The following IRF8 variants were observed in gnomAD, a reference collection of about 807,000 sequenced individuals.
IRF8 encodes interferon consensus sequence binding protein 1.
A neutral mutation model predicts 48.7 loss-of-function variants in IRF8; 14 were observed. That is an observed-to-expected ratio of 0.29 (90% CI 0.19 to 0.45). The LOEUF is 0.45. Among genes scored for constraint, IRF8 ranks in the 20% least tolerant of loss-of-function variants. The pLI is 1.00. For synonymous variants in IRF8, 278 were observed against 227.3 expected (o/e 1.22, Z -2.01); for missense variants, 493 against 580.7 (o/e 0.85, Z 1.55).
At chr16:85,902,178 G>C (rs912791546) in intron 1 of IRF8, among the ~76,000 whole-genome samples, 2 of 152,122 alleles carry the variant, frequency 1.3e-5, no homozygotes, top group Admixed American at 1.3e-4. Flanking sequence ...CTGTTCGGTA[G>C]CTGCAGTTTA....
intron 3 of IRF8, among the ~76,000 whole-genome samples, chr16:85,911,276 G>A (rs1468827264): frequency 6.6e-6 from 1 of 152,192 alleles, no homozygotes; most frequent in African/African-American, 2.4e-5. Context: ...ATCTGATACA[G>A]ACTCATTTTG....
Position 85,903,185 on chromosome 16 carries a change from T to C in IRF8, c.170T>C (p.Phe57Ser). ...DYNQEVDASIFKAWAVFKGKF... is the reference protein window; with the variant it reads ...DYNQEVDASISKAWAVFKGKF... ...AATCAGGAAGTGGATGCCTCCATTTTTAAGGTAAAGAGCCCAGCTCCCTTC... is the reference window on the plus strand; with the variant it reads ...AATCAGGAAGTGGATGCCTCCATTTCTAAGGTAAAGAGCCCAGCTCCCTTC... The change falls in exon 2 of 9, where the codon TTT becomes TCT. Residue 57 changes from phenylalanine (F) to serine (S), a missense_variant. By Grantham distance (155) the Phe-to-Ser change is radical. Transcript: ENST00000268638. 6.2e-7 allele frequency: 1 copy of C among 1,613,858 alleles called. No individual in the cohort carries two copies.
intron 8 of IRF8, 47 bp from the exon 9 acceptor site, chr16:85,921,058 CT>C: frequency 6.4e-7 from 1 of 1,566,284 alleles, no homozygotes; most frequent in South Asian, 1.2e-5. Flanking sequence ...TGCCCACCCC[CT>C]TTGGAGCCTC....
In IRF8 at chr16:85,918,630, G is replaced by A. The variant is rs1235535717; in HGVS notation, c.815G>A (p.Gly272Glu). 2 of 1,608,538 alleles carry A rather than the reference G, an allele frequency of 1.2e-6. No individual in the cohort carries two copies. The highest frequency in any genetic ancestry group is 1.7e-6 in the Non-Finnish European group (2 of 1,179,548). The change falls in exon 7 of 9, where the codon GGG becomes GAG. Residue 272 changes from glycine (G) to glutamate (E), a missense_variant. Coordinates refer to ENST00000268638, the MANE Select transcript of IRF8 (RefSeq NM_002163.4). ...AGGCAGGTGACGCGGAAGCTGTTCG[G>A]GCACCTGGAGCGCGGGGTGCTGCTG... is the stretch of plus-strand genomic sequence containing the variant. ...RQRQVTRKLF[G>E]HLERGVLLHS...
Position 85,922,353 on chromosome 16 carries a change from A to T in IRF8, c.*1071A>T, listed in dbSNP as rs1905610715. 1.3e-5 allele frequency: 2 copies of T among 152,316 alleles called. No individual in the cohort carries two copies. Among genetic ancestry groups the T allele is most frequent in the South Asian group, 4.1e-4 (2 of 4,834 alleles). The allele number at this position is 152,316 out of a possible 1,614,324, so 9.4% of individuals were successfully genotyped here. ...CCAGAGGTCCTTTACGTGTGGATGG[A>T]GTTCACAGGCGAATAGAGGAGAGGA... On this transcript the variant is annotated 3_prime_UTR_variant, in exon 9 of 9. Coordinates refer to ENST00000268638, the MANE Select transcript of IRF8 (RefSeq NM_002163.4).
At chr16:85,899,955 G>C (rs1430684704) in intron 1 of IRF8, among the ~76,000 whole-genome samples, 2 of 152,216 alleles carry the variant, frequency 1.3e-5, no homozygotes, top group Admixed American at 6.5e-5. Flanking sequence ...AGAATTTTAA[G>C]AAGTCTCCCC....
rs573204404 is a variant in IRF8, at chr16:85,909,116, C to T, written c.301C>T (p.Leu101=). ...DFEEVTDRSQ[L]DISEPYKVYR... Reference sequence around the variant, plus strand: ...TGAGGAAGTGACGGACCGGTCCCAACTGGACATTTCCGAGCCATACAAAGT... The same window carrying T: ...TGAGGAAGTGACGGACCGGTCCCAATTGGACATTTCCGAGCCATACAAAGT... Residue 101 remains leucine, a synonymous_variant, in exon 3 of 9, where the codon CTG becomes TTG. Coordinates refer to ENST00000268638, the MANE Select transcript of IRF8 (RefSeq NM_002163.4). 5 of 1,614,076 alleles carry T rather than the reference C, an allele frequency of 3.1e-6. No individual in the cohort carries two copies. Among genetic ancestry groups the T allele is most frequent in the African/African-American group, 1.3e-5 (1 of 74,932 alleles).
At position 85,903,046 on chromosome 16, in the gene IRF8, C is replaced by T; in HGVS notation, c.31C>T (p.Arg11Ter). 6.2e-7 allele frequency: 1 copy of T among 1,614,092 alleles called. No homozygotes were observed. Among genetic ancestry groups the T allele is most frequent in the Non-Finnish European group, 8.5e-7 (1 of 1,180,002 alleles). ...TGACCGGAATGGTGGTCGGCGGCTT[C>T]GACAGTGGCTGATCGAGCAGATTGA... MCDRNGGRRL[R>*]QWLIEQIDSS... Residue 11 changes from arginine (R) to a stop codon, truncating the protein, a stop_gained, in exon 2 of 9, where the codon CGA (arginine) becomes TGA (stop). Coordinates refer to ENST00000268638, the MANE Select transcript of IRF8 (RefSeq NM_002163.4). LOFTEE classifies it high-confidence loss of function.
At chr16:85,917,932 C>T (rs1450192760) in intron 6 of IRF8, among the ~76,000 whole-genome samples, 7 of 152,298 alleles carry the variant, frequency 4.6e-5, no homozygotes, top group African/African-American at 9.6e-5. Flanking sequence ...ATACCAAGGG[C>T]GCTGTGAATT....
At chr16:85,905,128 CAG>C (rs1306895283) in intron 2 of IRF8, among the ~76,000 whole-genome samples, 2 of 152,174 alleles carry the variant, frequency 1.3e-5, no homozygotes, top group African/African-American at 4.8e-5. Flanking sequence ...CCTGGTGGGG[CAG>C]AGTCTTCCCC....
chr16:85,899,706 A>G (rs186311886), intron 1 of IRF8, among the ~76,000 whole-genome samples: 7 of 152,322 alleles, frequency 4.6e-5, no homozygotes, highest in African/African-American at 9.6e-5. Context: ...ATGACAGTCA[A>G]TTAAGATTTC....
intron 6 of IRF8, among the ~76,000 whole-genome samples, chr16:85,915,909 T>C (rs1198389832): frequency 6.6e-6 from 1 of 152,206 alleles, no homozygotes; most frequent in Non-Finnish European, 1.5e-5. Flanking sequence ...TGAGCTTTGG[T>C]ACCTCTGTCC....
intron 6 of IRF8, among the ~76,000 whole-genome samples, chr16:85,917,663 T>G (rs982964501): frequency 5.9e-5 from 9 of 152,218 alleles, no homozygotes; most frequent in Non-Finnish European, 1.3e-4. Context: ...GTGCCATTAT[T>G]CAAAAGGGAG....
intron 6 of IRF8, among the ~76,000 whole-genome samples, chr16:85,917,052 CAAAT>C (rs941696417): frequency 4.6e-5 from 7 of 152,152 alleles, no homozygotes; most frequent in African/African-American, 1.7e-4. Context: ...GGTGGGTTGT[CAAAT>C]AATAAGGCAG....
At chr16:85,899,318 A>C (rs550579537) in intron 1 of IRF8, 95 bp downstream of exon 1, 1 of 152,134 alleles carries the variant, frequency 6.6e-6, no homozygotes, top group African/African-American at 2.4e-5. Flanking sequence ...GGAACTACCT[A>C]CCGTAATGTC....
rs1293439667 is a variant in IRF8 at position 85,903,037 on chromosome 16, C to T, written c.22C>T (p.Arg8Trp). 6.2e-7 allele frequency: 1 copy of T among 1,613,964 alleles called. No homozygotes were observed. The highest frequency in any genetic ancestry group is 1.3e-5 in the African/African-American group (1 of 74,906). Residue 8 changes from arginine (R) to tryptophan (W), a missense_variant, in exon 2 of 9, where the codon CGG becomes TGG. Around this residue, in one of 3 missense-constraint regions of IRF8, gnomAD observed 54 missense variants for 59.9 expected, o/e 0.90. Transcript: ENST00000268638. ...AAGGATGTGTGACCGGAATGGTGGT[C>T]GGCGGCTTCGACAGTGGCTGATCGA... is the stretch of plus-strand genomic sequence containing the variant. MCDRNGGRRLRQWLIEQI... is the reference protein window; with the variant it reads MCDRNGGWRLRQWLIEQI...
intron 2 of IRF8, among the ~76,000 whole-genome samples, chr16:85,906,603 C>T (rs112281807): frequency 2.6e-5 from 4 of 152,156 alleles, no homozygotes; most frequent in African/African-American, 7.2e-5. Context: ...GTGAGCTTGG[C>T]GTGAACGAGT....
At chr16:85,908,649 G>T (rs537428248) in intron 2 of IRF8, among the ~76,000 whole-genome samples, 2 of 152,208 alleles carry the variant, frequency 1.3e-5, no homozygotes, top group African/African-American at 4.8e-5. Context: ...TCTTTGTGCT[G>T]TGTAAACCTC....
intron 2 of IRF8, among the ~76,000 whole-genome samples, chr16:85,904,034 A>G (rs1040358425): frequency 1.3e-5 from 2 of 152,230 alleles, no homozygotes; most frequent in South Asian, 4.1e-4. Flanking sequence ...TCTGCAGACC[A>G]GCTGGGCTAT....
Sources: allele counts gnomAD v4.1 joint callset (sites outside exome capture counted in the v4.1 genomes callset), GRCh38; gene constraint gnomAD v4.1.1; regional missense constraint gnomAD v4.1.1; transcripts MANE v1.5; gene names NCBI Gene and HGNC (gene_info 2026-07-23, HGNC 2026-07-21).